Variants in AUTS2 observed in about 807,000 individuals in gnomAD.
AUTS2 encodes the protein activator of transcription and developmental regulator AUTS2.
Under a neutral mutation model 112.4 loss-of-function variants are expected in AUTS2, and 17 were observed. That is an observed-to-expected ratio of 0.15 (90% CI 0.10 to 0.23). AUTS2 has a LOEUF of 0.23. Among genes scored for constraint, AUTS2 ranks in the 10% least tolerant of loss-of-function variants. The probability of loss-of-function intolerance (pLI) is 1.00; values close to 1 mark genes in which losing one functional copy is unlikely to be tolerated. For missense variants in AUTS2, 1,510 were observed against 1,701.6 expected (o/e 0.89, Z 1.98); for synonymous variants, 751 against 702.7 (o/e 1.07, Z -1.09).
At chr7:69,738,145 A>G (rs1787113256) in intron 1 of AUTS2, among the ~76,000 whole-genome samples, 1 of 151,946 alleles carries the variant, frequency 6.6e-6, no homozygotes, top group African/African-American at 2.4e-5. Flanking sequence ...TTTGGGGTGG[A>G]GTAAAGTTCA....
At chr7:70,015,026 G>A (rs562446035) in intron 2 of AUTS2, among the ~76,000 whole-genome samples, 15 of 152,282 alleles carry the variant, frequency 9.9e-5, no homozygotes, top group African/African-American at 3.4e-4. Flanking sequence ...TCTGAAAAAC[G>A]CTAATATCCA....
At chr7:69,605,195 G>T (rs1033268314) in intron 1 of AUTS2, among the ~76,000 whole-genome samples, 3 of 152,298 alleles carry the variant, frequency 2.0e-5, no homozygotes, top group South Asian at 2.1e-4. Context: ...TTGGAATCTG[G>T]TGATCTCTGA....
chr7:69,617,319 A>G (rs1583948466), intron 1 of AUTS2, among the ~76,000 whole-genome samples: 1 of 152,162 alleles, frequency 6.6e-6, no homozygotes, highest in Non-Finnish European at 1.5e-5. Flanking sequence ...TGCTTACGTG[A>G]TGCTTTATCC....
At chr7:70,269,470 A>G (rs1670793401) in intron 4 of AUTS2, among the ~76,000 whole-genome samples, 1 of 152,108 alleles carries the variant, frequency 6.6e-6, no homozygotes, top group Non-Finnish European at 1.5e-5. Context: ...GGTTCATGGG[A>G]TTCTTTGAGA....
intron 2 of AUTS2, among the ~76,000 whole-genome samples, chr7:70,055,980 G>A (rs982703058): frequency 1.6e-4 from 24 of 151,502 alleles, no homozygotes; most frequent in African/African-American, 5.1e-4. Flanking sequence ...CACCATGCCC[G>A]GCCTTTTTTA....
rs368747670 is a variant in AUTS2, at chr7:70,563,936, G to A, written c.690+128155G>A. Among the ~76,000 whole-genome samples the A allele has an allele frequency of 3.3e-5, 5 of 152,174 alleles. No homozygotes were observed. The East Asian group carries it at 7.7e-4, about 24-fold the overall frequency. ...TGCTCACCCTTGAAAAAATCAAAAT[G>A]CATATGGATTTTCTGAAATAAGCCC... On this transcript the variant is annotated intron_variant, in intron 5 of 18. Transcript: ENST00000342771.
chr7:70,033,171 T>A (rs1462716160), intron 2 of AUTS2, among the ~76,000 whole-genome samples: 1 of 152,226 alleles, frequency 6.6e-6, no homozygotes, highest in Non-Finnish European at 1.5e-5. Context: ...GTATTTTAAA[T>A]GGTTGAGTTG....
At chr7:70,096,376 C>T (rs997459836) in intron 2 of AUTS2, among the ~76,000 whole-genome samples, 3 of 151,734 alleles carry the variant, frequency 2.0e-5, no homozygotes, top group South Asian at 2.1e-4. Flanking sequence ...GTGGGTGGAG[C>T]GCCTAAGGTC....
At chr7:69,979,010 C>A (rs1798184645) in intron 2 of AUTS2, among the ~76,000 whole-genome samples, 2 of 152,036 alleles carry the variant, frequency 1.3e-5, no homozygotes, top group African/African-American at 4.8e-5. Flanking sequence ...TAGCCTTTAA[C>A]TTCAGAGTTA....
chr7:70,297,499 G>A (rs111302431), intron 4 of AUTS2, among the ~76,000 whole-genome samples: 2,464 of 150,500 alleles, frequency 0.016, 78 homozygotes, highest in African/African-American at 0.057. Flanking sequence ...GACGCATCTC[G>A]GCCCACTGCA....
intron 4 of AUTS2, among the ~76,000 whole-genome samples, chr7:70,401,273 C>T (rs1237613418): frequency 6.6e-6 from 1 of 152,194 alleles, no homozygotes; most frequent in African/African-American, 2.4e-5. Flanking sequence ...TCCTCCTTCC[C>T]TGCAAGTTCC....
chr7:70,334,944 C>G (rs1447723231), intron 4 of AUTS2, among the ~76,000 whole-genome samples: 1 of 152,116 alleles, frequency 6.6e-6, no homozygotes, highest in Non-Finnish European at 1.5e-5. Flanking sequence ...GAATGAACTG[C>G]ACATTTCTAG....
intron 1 of AUTS2, among the ~76,000 whole-genome samples, chr7:69,761,390 G>C (rs781290821): frequency 2.0e-5 from 3 of 152,182 alleles, no homozygotes; most frequent in Non-Finnish European, 4.4e-5. Flanking sequence ...TGTTATTAAG[G>C]TAGTGACTGG....
intron 4 of AUTS2, among the ~76,000 whole-genome samples, chr7:70,393,613 G>A (rs905217748): frequency 6.6e-5 from 10 of 152,128 alleles, no homozygotes; most frequent in East Asian, 3.9e-4. Flanking sequence ...TTGCGAAGAC[G>A]ATAGCACATA....
chr7:70,698,713 C>G lies in AUTS2; in HGVS notation c.742+93C>G, dbSNP rs1809276356. 6 of 1,014,766 alleles carry G rather than the reference C, an allele frequency of 5.9e-6. No homozygotes were observed. In the Admixed American group the frequency reaches 1.2e-4, roughly 21 times the overall value. The allele number at this position is 1,014,766 out of a possible 1,614,324, so 62.9% of individuals were successfully genotyped here. A position where few individuals can be genotyped will look rare whatever the true frequency, so the allele number is the denominator to read the frequency against. ...AGAAAGAAGAGCTAGAGTGATCTTT[C>G]TCTTATAATTCTGAAGCTACTGTTG... On this transcript the variant is annotated intron_variant, in intron 6 of 18. Transcript: ENST00000342771.
At chr7:69,699,366 T>C (rs1797701026) in intron 1 of AUTS2, among the ~76,000 whole-genome samples, 1 of 152,192 alleles carries the variant, frequency 6.6e-6, no homozygotes, top group Non-Finnish European at 1.5e-5. Context: ...TCTTAAATAG[T>C]GTGTGTACTC....
At chr7:70,669,471 GA>G (rs1489997368) in intron 5 of AUTS2, among the ~76,000 whole-genome samples, 1 of 152,184 alleles carries the variant, frequency 6.6e-6, no homozygotes, top group Non-Finnish European at 1.5e-5. Context: ...TAGAAGCAGA[GA>G]ATTTTAGAGC....
intron 1 of AUTS2, among the ~76,000 whole-genome samples, chr7:69,727,972 A>G (rs1198991075): frequency 6.6e-6 from 1 of 152,204 alleles, no homozygotes; most frequent in African/African-American, 2.4e-5. Context: ...CATTCCCTAG[A>G]TTCTTCTGAG....
At chr7:69,769,687 C>A (rs1054194956) in intron 1 of AUTS2, among the ~76,000 whole-genome samples, 3 of 152,076 alleles carry the variant, frequency 2.0e-5, no homozygotes, top group East Asian at 1.9e-4. Context: ...GTGAACAGGG[C>A]GATGTATTGC....
Sources: allele counts gnomAD v4.1 joint callset (sites outside exome capture counted in the v4.1 genomes callset), GRCh38; gene constraint gnomAD v4.1.1; transcripts MANE v1.5; gene names NCBI Gene and HGNC (gene_info 2026-07-23, HGNC 2026-07-21).